The following CERKL variants were observed in gnomAD, a reference collection of about 807,000 sequenced individuals.
CERKL encodes the protein ceramide kinase-like protein.
Under a neutral mutation model 63.4 loss-of-function variants are expected in CERKL, and 61 were observed. That is an observed-to-expected ratio of 0.96 (90% confidence interval 0.78 to 1.19). The LOEUF (loss-of-function observed/expected upper bound fraction) is 1.19, where lower values mean the gene tolerates loss of function less well. Ranked by LOEUF, CERKL falls within the 50% of genes most tolerant of loss-of-function variation. The probability of loss-of-function intolerance (pLI) is 0.00; values close to 1 mark genes in which losing one functional copy is unlikely to be tolerated. For synonymous variants in CERKL, 250 were observed against 230.5 expected (o/e 1.08, Z -0.77); for missense variants, 675 against 655.5 (o/e 1.03, Z -0.33).
At chr2:181,552,832 G>A (rs369635370) in intron 5 of CERKL, among the ~76,000 whole-genome samples, 1 of 151,718 alleles carries the variant, frequency 6.6e-6, no homozygotes, top group East Asian at 1.9e-4. Flanking sequence ...AGGATAATAG[G>A]TATTAAAACA....
At chr2:181,556,309 T>C (rs185240669) in intron 5 of CERKL, among the ~76,000 whole-genome samples, 5 of 152,136 alleles carry the variant, frequency 3.3e-5, no homozygotes, top group Admixed American at 3.3e-4. Context: ...TTGTTACATA[T>C]GTATACATGT....
rs1031753202 is a variant in CERKL, at chr2:181,537,260, TCCTACTCAGA to T, written c.*914_*923del. On this transcript the variant is annotated 3_prime_UTR_variant, in exon 13 of 13. Transcript: ENST00000410087. ...CTAAGGAAATTTACATTTGGTTCTT[TCCTACTCAGA>T]ACTACTCAGAAACAACTATATATTT... is the stretch of plus-strand genomic sequence containing the variant. 2 of 453,736 alleles carry T rather than the reference TCCTACTCAGA, an allele frequency of 4.4e-6. No homozygotes were observed. The highest frequency in any genetic ancestry group is 4.4e-6 in the Non-Finnish European group (1 of 226,742). 28.1% of individuals were successfully genotyped at this position (453,736 alleles called of 1,614,324 possible).
intron 2 of CERKL, among the ~76,000 whole-genome samples, chr2:181,596,789 C>T (rs1486616103): frequency 6.6e-6 from 1 of 152,100 alleles, no homozygotes; most frequent in Non-Finnish European, 1.5e-5. Flanking sequence ...CCTGGCAACA[C>T]ATTAGAATCC....
Position 181,656,942 on chromosome 2 carries a change from G to T in CERKL, c.65C>A (p.Pro22His). 1.3e-6 allele frequency: 2 copies of T among 1,588,082 alleles called. No homozygotes were observed. ...ALEGGREEEA[P>H]PEAAAVPPAL... ...CGGAGGCACAGCGGCAGCCTCCGGG[G>T]GCGCCTCTTCCTCCCGGCCGCCCTC... is the stretch of plus-strand genomic sequence containing the variant. The change falls in exon 1 of 13, where the codon CCC (proline) becomes CAC (histidine). Residue 22 changes from proline to histidine, a missense_variant. Transcript: ENST00000410087.
chr2:181,565,444 C>A lies in CERKL; in HGVS notation c.677+614G>T, dbSNP rs373118444. The A allele has an allele frequency of 3.7e-6, 6 of 1,611,764 alleles. No homozygotes were observed. Among genetic ancestry groups the A allele is most frequent in the Non-Finnish European group, 5.1e-6 (6 of 1,178,598 alleles). ...TTTATATCACTTGCCTTGGTTCTAA[C>A]GTTTGCATGCCAGTGAACAATCTCT... is the stretch of plus-strand genomic sequence containing the variant. On this transcript the variant is annotated intron_variant, in intron 4 of 12. Transcript: ENST00000410087.
At chr2:181,638,987 A>G (rs1015945326) in intron 1 of CERKL, among the ~76,000 whole-genome samples, 4 of 149,988 alleles carry the variant, frequency 2.7e-5, no homozygotes, top group Non-Finnish European at 5.9e-5. Context: ...AATTGAAAGG[A>G]AAAAAAAGGA....
At chr2:181,573,385 A>C (rs1688990597) in intron 3 of CERKL, among the ~76,000 whole-genome samples, 1 of 152,180 alleles carries the variant, frequency 6.6e-6, no homozygotes, top group African/African-American at 2.4e-5. Context: ...AATTCCATGG[A>C]AAGACATCAA....
At position 181,588,546 on chromosome 2, in the gene CERKL, C is replaced by T. The variant is rs898219207; in HGVS notation, c.482-14662G>A. On this transcript the variant is annotated intron_variant, in intron 2 of 12. Coordinates refer to ENST00000410087, the MANE Select transcript of CERKL (RefSeq NM_201548.5). ...CTTATCTTGGCTATTGGGAACAATG[C>T]TGCAATAATCACTAAAATACAGTTC... Among the ~76,000 whole-genome samples the T allele has an allele frequency of 6.6e-5, 10 of 152,138 alleles. No individual in the cohort carries two copies. In the East Asian group the frequency reaches 1.3e-3, roughly 20 times the overall value.
chr2:181,628,451 G>A (rs1292509042), intron 1 of CERKL, among the ~76,000 whole-genome samples: 1 of 152,118 alleles, frequency 6.6e-6, no homozygotes, highest in African/African-American at 2.4e-5. Flanking sequence ...AGAGTTACTG[G>A]CATGCTTAAA....
chr2:181,570,880 C>T (rs1294205322), intron 3 of CERKL, among the ~76,000 whole-genome samples: 1 of 151,958 alleles, frequency 6.6e-6, no homozygotes, highest in Non-Finnish European at 1.5e-5. Flanking sequence ...TTTGTAATTC[C>T]AATTCCATTT....
At chr2:181,598,874 A>G (rs1685340150) in intron 2 of CERKL, among the ~76,000 whole-genome samples, 1 of 148,186 alleles carries the variant, frequency 6.7e-6, no homozygotes, top group African/African-American at 2.5e-5. Context: ...CTCAAGGGGA[A>G]AAAAAAAAAA....
rs1243210890 is a variant in CERKL at position 181,549,678 on chromosome 2, T to C, written c.851A>G (p.His284Arg). ...TGCAGTTATCACATGAGGAACTCCA[T>C]GAAGAGAATGTGCCAATACATTGGT... Reference protein sequence around the residue: ...GSTNVLAHSLHGVPHVITATL... With the variant: ...GSTNVLAHSLRGVPHVITATL... Residue 284 changes from histidine to arginine, a missense_variant, in exon 6 of 13, where the codon CAT becomes CGT. Coordinates refer to ENST00000410087, the MANE Select transcript of CERKL (RefSeq NM_201548.5). 6.2e-6 allele frequency: 10 copies of C among 1,612,482 alleles called. No homozygotes were observed. The highest frequency in any genetic ancestry group is 8.5e-6 in the Non-Finnish European group (10 of 1,178,862).
intron 1 of CERKL, among the ~76,000 whole-genome samples, chr2:181,638,805 A>C (rs1408531812): frequency 2.6e-5 from 4 of 152,174 alleles, no homozygotes; most frequent in African/African-American, 4.8e-5. Flanking sequence ...CTTTTTCCCA[A>C]GTCCTCACCC....
chr2:181,568,603 G>A (rs1443100497), intron 3 of CERKL, among the ~76,000 whole-genome samples: 3 of 151,348 alleles, frequency 2.0e-5, no homozygotes, highest in African/African-American at 4.9e-5. Flanking sequence ...AATCCAAAAC[G>A]CTTCAACATC....
Position 181,550,799 on chromosome 2 carries a change from CTAAGAA to C in CERKL, c.821-1097_821-1092del, listed in dbSNP as rs1161090633. ...ATTAATATCATAATTTTTTAGGTAA[CTAAGAA>C]TAAGCATATTTAATTATTATTAATT... On this transcript the variant is annotated intron_variant, in intron 5 of 12. Coordinates refer to ENST00000410087, the MANE Select transcript of CERKL (RefSeq NM_201548.5). The surrounding 1 kb of genome is among the most constrained non-coding windows in gnomAD (Gnocchi z 4.5). 3.3e-5 allele frequency among the ~76,000 whole-genome samples: 5 copies of C among 152,050 alleles called. No individual in the cohort carries two copies. The highest frequency in any genetic ancestry group is 9.7e-5 in the African/African-American group (4 of 41,424).
chr2:181,561,889 C>T (rs189929456), intron 4 of CERKL, among the ~76,000 whole-genome samples: 45 of 152,242 alleles, frequency 3.0e-4, no homozygotes, highest in African/African-American at 1.0e-3. Flanking sequence ...TCTCAGCTCA[C>T]TGCAACCTCT....
At chr2:181,546,284 C>G (rs1245854195) in intron 10 of CERKL, among the ~76,000 whole-genome samples, 1 of 152,136 alleles carries the variant, frequency 6.6e-6, no homozygotes, top group African/African-American at 2.4e-5. Context: ...CCCAGAAGAG[C>G]AGGTCTACCC....
chr2:181,588,691 A>G (rs968126542), intron 2 of CERKL, among the ~76,000 whole-genome samples: 2 of 152,122 alleles, frequency 1.3e-5, no homozygotes, highest in Admixed American at 1.3e-4. Context: ...CAGCTATACT[A>G]ATTTACACTG....
intron 2 of CERKL, among the ~76,000 whole-genome samples, chr2:181,599,409 C>T (rs371450685): frequency 6.6e-6 from 1 of 151,648 alleles, no homozygotes; most frequent in Non-Finnish European, 1.5e-5. Flanking sequence ...TGGTGGCACT[C>T]GCCCGTAATC....
Sources: gnomAD v4.1 joint callset for allele counts (sites outside exome capture counted in the v4.1 genomes callset) on GRCh38, gnomAD v4.1.1 for gene constraint, Gnocchi (gnomAD v3.1) non-coding constraint, MANE v1.5 for transcripts, NCBI Gene and HGNC (gene_info 2026-07-23, HGNC 2026-07-21) for gene names.